The following PREX2 variants were observed in gnomAD, a reference collection of about 807,000 sequenced individuals.
The protein encoded by PREX2 is phosphatidylinositol-3,4,5-trisphosphate dependent Rac exchange factor 2.
Under a neutral mutation model 203.2 loss-of-function variants are expected in PREX2, and 107 were observed. The observed-to-expected ratio is 0.53, with a 90% CI of 0.45 to 0.62. The LOEUF is 0.62. Ranked by LOEUF, PREX2 falls within the 20% of genes least tolerant of loss-of-function variation. The pLI is 0.00. For missense variants in PREX2, 1,777 were observed against 1,955.9 expected (o/e 0.91, Z 1.72); for synonymous variants, 672 against 663.6 (o/e 1.01, Z -0.19).
chr8:68,102,869 A>T (rs756330077), intron 23 of PREX2: 4 of 518,410 alleles, frequency 7.7e-6, no homozygotes, highest in South Asian at 5.6e-5. Flanking sequence ...GACCTTACTG[A>T]TGACCTGGAT....
intron 39 of PREX2, among the ~76,000 whole-genome samples, chr8:68,226,319 C>A (rs2129615523): frequency 6.6e-6 from 1 of 152,116 alleles, no homozygotes; most frequent in South Asian, 2.1e-4. Flanking sequence ...GTGAAGAAGG[C>A]ATAATTACAA....
chr8:68,042,421 T>G lies in PREX2; in HGVS notation c.840-2066T>G, dbSNP rs960361829. On this transcript the variant is annotated intron_variant, in intron 7 of 39. Transcript: ENST00000288368. ...AAAATAGTATCATAGCGTTTTTAGT[T>G]TCTTGCAATTTATAATTTGTATTCA... 2.0e-5 allele frequency among the ~76,000 whole-genome samples: 3 copies of G among 152,208 alleles called. No homozygotes were observed. In the East Asian group the frequency reaches 5.8e-4, roughly 29 times the overall value.
intron 1 of PREX2, among the ~76,000 whole-genome samples, chr8:67,977,283 G>T (rs1198323399): frequency 1.3e-5 from 2 of 152,112 alleles, no homozygotes; most frequent in South Asian, 2.1e-4. Flanking sequence ...CCCAGTCTTG[G>T]ACTTTTCAGC....
intron 39 of PREX2, among the ~76,000 whole-genome samples, chr8:68,226,567 A>G (rs1245217685): frequency 6.6e-6 from 1 of 152,224 alleles, no homozygotes; most frequent in African/African-American, 2.4e-5. Flanking sequence ...ATTTGATTCA[A>G]ATCCTCAACC....
intron 23 of PREX2, chr8:68,102,691 C>G (rs1441880264): frequency 5.7e-6 from 2 of 351,722 alleles, no homozygotes; most frequent in African/African-American, 4.3e-5. Context: ...ACTAAAATCT[C>G]AAAGATGCTG....
intron 37 of PREX2, among the ~76,000 whole-genome samples, chr8:68,201,658 A>G (rs1432627713): frequency 6.6e-6 from 1 of 151,566 alleles, no homozygotes; most frequent in Non-Finnish European, 1.5e-5. Flanking sequence ...TTCCCAGTCC[A>G]CTGACTCAAA....
At chr8:67,961,994 T>C (rs1208034521) in intron 1 of PREX2, among the ~76,000 whole-genome samples, 1 of 152,236 alleles carries the variant, frequency 6.6e-6, no homozygotes, top group East Asian at 1.9e-4. Context: ...AATACTGATA[T>C]AAAAATATTC....
chr8:68,118,953 C>T (rs1230230839), intron 27 of PREX2: 2 of 524,266 alleles, frequency 3.8e-6, no homozygotes, highest in African/African-American at 3.8e-5. Flanking sequence ...AAGTATTAGG[C>T]ATGGTTGATG....
intron 1 of PREX2, among the ~76,000 whole-genome samples, chr8:68,011,415 A>G (rs1191240559): frequency 7.4e-6 from 1 of 134,828 alleles, no homozygotes; most frequent in Non-Finnish European, 1.5e-5. Flanking sequence ...AAAAATGAGT[A>G]AAATGGGCTT....
At position 68,095,409 on chromosome 8, in the gene PREX2, G is replaced by A. The variant is rs540502587; in HGVS notation, c.2369-1608G>A. Among the ~76,000 whole-genome samples the A allele has an allele frequency of 2.6e-5, 4 of 151,970 alleles. No homozygotes were observed. In the East Asian group the frequency reaches 7.8e-4, roughly 30 times the overall value. On this transcript the variant is annotated intron_variant, in intron 21 of 39. Coordinates refer to ENST00000288368, the MANE Select transcript of PREX2 (RefSeq NM_024870.4). ...CATAAACTCCGTTATGTTCTAAAGG[G>A]GCTTGTTATAAATAACAAAAGACAT...
At chr8:68,167,158 C>A (rs1018217243) in intron 35 of PREX2, among the ~76,000 whole-genome samples, 1 of 152,020 alleles carries the variant, frequency 6.6e-6, no homozygotes, top group Non-Finnish European at 1.5e-5. Context: ...TAATTTTAAG[C>A]CACGATTCAC....
intron 35 of PREX2, among the ~76,000 whole-genome samples, chr8:68,184,536 T>G (rs1345997898): frequency 6.6e-6 from 1 of 152,178 alleles, no homozygotes; most frequent in Non-Finnish European, 1.5e-5. Flanking sequence ...GGAAGCAATA[T>G]CAGGAGAAGT....
chr8:68,133,545 A>G (rs926381572), intron 31 of PREX2, among the ~76,000 whole-genome samples: 1 of 152,244 alleles, frequency 6.6e-6, no homozygotes, highest in African/African-American at 2.4e-5. Context: ...TTTGCTTATA[A>G]TTGCAAACAA....
At chr8:68,197,159 AG>A (rs142101187) in intron 37 of PREX2, among the ~76,000 whole-genome samples, 2,019 of 151,998 alleles carry the variant, frequency 0.013, 44 homozygotes, top group African/African-American at 0.045. Context: ...TCCATTCACA[AG>A]ACCCCCACTC....
chr8:68,131,323 A>C (rs567713418), intron 31 of PREX2, among the ~76,000 whole-genome samples: 1 of 152,314 alleles, frequency 6.6e-6, no homozygotes, highest in South Asian at 2.1e-4. Flanking sequence ...AGCTCTTGAT[A>C]TAATATGTAC....
chr8:67,970,073 T>C (rs1259352071), intron 1 of PREX2, among the ~76,000 whole-genome samples: 1 of 152,212 alleles, frequency 6.6e-6, no homozygotes, highest in Non-Finnish European at 1.5e-5. Flanking sequence ...ATTCCGTAAG[T>C]ATGGGAAATA....
rs180836127 is a variant in PREX2, at chr8:68,100,581, A to G, written c.2715+738A>G. On this transcript the variant is annotated intron_variant, in intron 23 of 39. Coordinates refer to ENST00000288368, the MANE Select transcript of PREX2 (RefSeq NM_024870.4). ...CTTTCAATTGGAGAGAGAAGCCTCC[A>G]GGGAGAAGGAACAGCTGGTACTGAA... 1.1e-4 allele frequency among the ~76,000 whole-genome samples: 16 copies of G among 152,318 alleles called. No individual in the cohort carries two copies. In the East Asian group the frequency reaches 3.1e-3, roughly 29 times the overall value.
At chr8:68,216,190 A>G (rs1467885058) in intron 37 of PREX2, among the ~76,000 whole-genome samples, 1 of 152,164 alleles carries the variant, frequency 6.6e-6, no homozygotes, top group Admixed American at 6.5e-5. Context: ...TCTTTTTCTT[A>G]ATTATCAGTA....
intron 25 of PREX2, among the ~76,000 whole-genome samples, chr8:68,112,912 G>A (rs979294216): frequency 6.6e-6 from 1 of 152,158 alleles, no homozygotes; most frequent in African/African-American, 2.4e-5. Flanking sequence ...CTGAACAGAT[G>A]TTAGCAATGA....
Sources: gnomAD v4.1 joint callset for allele counts (sites outside exome capture counted in the v4.1 genomes callset) on GRCh38, gnomAD v4.1.1 for gene constraint, MANE v1.5 for transcripts, NCBI Gene and HGNC (gene_info 2026-07-23, HGNC 2026-07-21) for gene names.